TEK: variants seen among roughly 807,000 people sequenced by gnomAD.
TEK encodes the protein TEK receptor tyrosine kinase.
Under a neutral mutation model 131.8 loss-of-function variants are expected in TEK, and 43 were observed. The ratio of observed to expected loss-of-function variants is 0.33; its 90% confidence interval spans 0.26 to 0.42. The LOEUF is 0.42. Among genes scored for constraint, TEK ranks in the 10% least tolerant of loss-of-function variants. The probability of loss-of-function intolerance (pLI) is 1.00; values close to 1 mark genes in which losing one functional copy is unlikely to be tolerated. For synonymous variants in TEK, 580 were observed against 491.6 expected (o/e 1.18, Z -2.38); for missense variants, 1,162 against 1,384.4 (o/e 0.84, Z 2.55).
rs7861541 is a variant in TEK, at chr9:27,188,412, G to T, written c.1328-2117G>T. 5.4e-3 allele frequency among the ~76,000 whole-genome samples: 815 copies of T among 152,292 alleles called. 9 individuals are homozygous for T. Among genetic ancestry groups the T allele is most frequent in the African/African-American group, 0.019 (775 of 41,570 alleles). ...TAAAATAGTAGATTACTAAGAGGAA[G>T]CCTTTGTAGCAATTTTTAAACCCTT... On this transcript the variant is annotated intron_variant, in intron 9 of 22. Transcript: ENST00000380036.
chr9:27,109,242 C>G lies in TEK; in HGVS notation c.-349C>G, dbSNP rs1821236740. 2 of 529,440 alleles carry G rather than the reference C, an allele frequency of 3.8e-6. No homozygotes were observed. The highest frequency in any genetic ancestry group is 6.6e-6 in the Non-Finnish European group (2 of 304,480). 32.8% of individuals were successfully genotyped at this position (529,440 alleles called of 1,614,324 possible). A position where few individuals can be genotyped will look rare whatever the true frequency, so the allele number is the denominator to read the frequency against. On this transcript the variant is annotated 5_prime_UTR_variant, in exon 1 of 23. Coordinates refer to ENST00000380036, the MANE Select transcript of TEK (RefSeq NM_000459.5). ...AAAAATTCCTCTGCCCCTACAGCAG[C>G]AGCAAAAGCAGCAGCAGAAGCAACA...
chr9:27,218,434 C>G (rs539826392), intron 19 of TEK, among the ~76,000 whole-genome samples: 2 of 152,250 alleles, frequency 1.3e-5, no homozygotes, highest in East Asian at 3.9e-4. Flanking sequence ...AGAGGTTCAG[C>G]AACTGTTTCC....
chr9:27,204,450 C>A (rs918746201), intron 13 of TEK, among the ~76,000 whole-genome samples: 1 of 152,072 alleles, frequency 6.6e-6, no homozygotes, highest in Non-Finnish European at 1.5e-5. Context: ...CTCATTAAAA[C>A]AAGACAAACA....
At chr9:27,219,694 A>ATT (rs1825975863) in intron 20 of TEK, among the ~76,000 whole-genome samples, 1 of 152,162 alleles carries the variant, frequency 6.6e-6, no homozygotes. Context: ...TCATTGATAA[A>ATT]ATATGAGTTA....
chr9:27,170,191 T>G (rs1402601977), intron 4 of TEK, among the ~76,000 whole-genome samples: 1 of 152,154 alleles, frequency 6.6e-6, no homozygotes, highest in Non-Finnish European at 1.5e-5. Context: ...TGAGGGCAAC[T>G]GCCTCCATGA....
At chr9:27,221,317 T>C (rs113774249) in intron 21 of TEK, among the ~76,000 whole-genome samples, 12,700 of 152,212 alleles carry the variant, frequency 0.083, 709 homozygotes, top group Admixed American at 0.18. Context: ...ACAAAGCACC[T>C]AGTGGTAAGG....
In TEK at chr9:27,180,274, G is replaced by A. The variant is rs1409637085; in HGVS notation, c.936G>A (p.Lys312=). The A allele has an allele frequency of 1.9e-6, 3 of 1,613,790 alleles. No homozygotes were observed. In the Admixed American group the frequency reaches 5.0e-5, roughly 27 times the overall value. Residue 312 remains lysine (K), a synonymous_variant, in exon 7 of 23, where the codon AAG becomes AAA. Transcript: ENST00000380036. ...CTGGTTTTTACGGGCCAGATTGTAA[G>A]CTTAGGTGCAGCTGCAACAATGGGG... is the stretch of plus-strand genomic sequence containing the variant. ...CHPGFYGPDC[K]LRCSCNNGEM... is the part of the protein sequence containing the mutation.
intron 1 of TEK, among the ~76,000 whole-genome samples, chr9:27,137,052 A>G (rs1286922322): frequency 6.6e-6 from 1 of 152,020 alleles, no homozygotes; most frequent in Non-Finnish European, 1.5e-5. Context: ...AGTAGCTGGG[A>G]CTATAGGCGC....
chr9:27,226,818 A>T (rs1426237655), intron 21 of TEK, among the ~76,000 whole-genome samples: 4 of 152,208 alleles, frequency 2.6e-5, no homozygotes, highest in African/African-American at 9.6e-5. Flanking sequence ...AAGAATAATG[A>T]ACTGTAGTGA....
At chr9:27,205,884 A>G (rs1825381524) in intron 14 of TEK, among the ~76,000 whole-genome samples, 1 of 152,190 alleles carries the variant, frequency 6.6e-6, no homozygotes, top group African/African-American at 2.4e-5. Flanking sequence ...GGAGGACAAG[A>G]GGAACTTCAC....
chr9:27,225,086 C>T lies in TEK; in HGVS notation c.3201-3120C>T, dbSNP rs1398680833. On this transcript the variant is annotated intron_variant, in intron 21 of 22. Coordinates refer to ENST00000380036, the MANE Select transcript of TEK (RefSeq NM_000459.5). ...GACCTCTTCAAGGAGAACTACAAACCACTGCTCAAGGAAATAAGAGAGGAC... is the reference window on the plus strand; with the variant it reads ...GACCTCTTCAAGGAGAACTACAAACTACTGCTCAAGGAAATAAGAGAGGAC... Among the ~76,000 whole-genome samples the T allele has an allele frequency of 2.0e-5, 3 of 152,118 alleles. No homozygotes were observed. The East Asian group carries it at 5.8e-4, about 29-fold the overall frequency.
intron 1 of TEK, among the ~76,000 whole-genome samples, chr9:27,123,515 C>G (rs1162529253): frequency 6.6e-6 from 1 of 152,152 alleles, no homozygotes; most frequent in Non-Finnish European, 1.5e-5. Context: ...CGCACAGTTA[C>G]CTGGAGTAAC....
chr9:27,194,495 C>T (rs1824938453), intron 11 of TEK, among the ~76,000 whole-genome samples: 2 of 152,146 alleles, frequency 1.3e-5, no homozygotes, highest in South Asian at 4.1e-4. Context: ...GAAAAAGGGA[C>T]CTCTACAACC....
At chr9:27,209,261 CAG>C (rs1486578017) in intron 16 of TEK, 30 bp downstream of exon 16, 6 of 1,485,026 alleles carry the variant, frequency 4.0e-6, no homozygotes, top group Non-Finnish European at 4.7e-6. Context: ...TCTTTCCTGC[CAG>C]AGTTTTTATA....
intron 19 of TEK, 26 bp downstream of exon 19, chr9:27,217,784 G>A (rs1012304139): frequency 4.7e-6 from 7 of 1,497,524 alleles, no homozygotes; most frequent in African/African-American, 5.1e-5. Context: ...ATTGCCAAGG[G>A]ATTTTTTTTC....
intron 13 of TEK, among the ~76,000 whole-genome samples, chr9:27,203,615 A>G (rs1384870423): frequency 6.6e-6 from 1 of 152,138 alleles, no homozygotes; most frequent in Admixed American, 6.5e-5. Context: ...CTAGATAGAG[A>G]TCCTCTCTGG....
intron 1 of TEK, among the ~76,000 whole-genome samples, chr9:27,118,304 A>G (rs1821646728): frequency 6.6e-6 from 1 of 152,134 alleles, no homozygotes; most frequent in Non-Finnish European, 1.5e-5. Flanking sequence ...AGGGAAACCA[A>G]GGCTCACAAA....
intron 1 of TEK, among the ~76,000 whole-genome samples, chr9:27,145,666 AGTCACCTGG>A (rs1281821088): frequency 6.6e-6 from 1 of 152,238 alleles, no homozygotes; most frequent in East Asian, 1.9e-4. Context: ...TTCACAAAAT[AGTCACCTGG>A]GTTTAAGATG....
chr9:27,135,488 C>A (rs1416656248), intron 1 of TEK, among the ~76,000 whole-genome samples: 5 of 152,086 alleles, frequency 3.3e-5, no homozygotes, highest in Non-Finnish European at 7.3e-5. Flanking sequence ...TCACCTTTAT[C>A]ATCATGTCTT....
Sources: gnomAD v4.1 joint callset for allele counts (sites outside exome capture counted in the v4.1 genomes callset) on GRCh38, gnomAD v4.1.1 for gene constraint, MANE v1.5 for transcripts, NCBI Gene and HGNC (gene_info 2026-07-23, HGNC 2026-07-21) for gene names.